The following PALM2AKAP2 variants were observed in gnomAD, a reference collection of about 807,000 sequenced individuals.
PALM2AKAP2 encodes the protein PALM2 and AKAP2 fusion, also known as PALM2-AKAP2 fusion protein.
In PALM2AKAP2, 37 loss-of-function variants were observed where a neutral mutation model predicts 71.5. That is an observed-to-expected ratio of 0.52 (90% confidence interval 0.40 to 0.68). PALM2AKAP2 has a LOEUF of 0.68. Ranked by LOEUF, PALM2AKAP2 falls within the 30% of genes least tolerant of loss-of-function variation. PALM2AKAP2 has a pLI of 0.00. For synonymous variants in PALM2AKAP2, 468 were observed against 478.8 expected (o/e 0.98, Z 0.29); for missense variants, 1,224 against 1,191.8 (o/e 1.03, Z -0.40).
chr9:110,050,659 C>T (rs1287754034), intron 1 of PALM2AKAP2, among the ~76,000 whole-genome samples: 1 of 151,204 alleles, frequency 6.6e-6, no homozygotes, highest in Non-Finnish European at 1.5e-5. Context: ...CGAAGTTTTG[C>T]TCTTGTTGCC....
rs765704966 is a variant in PALM2AKAP2, at chr9:109,640,831, G to A, written c.-31G>A. On this transcript the variant is annotated 5_prime_UTR_variant, in exon 1 of 7. Coordinates refer to the PALM2AKAP2 transcript ENST00000374531. ...GAGGCGAGCAGCGCCGGTGAGCCCC[G>A]CAGCAGCGCACCCGGCCGCGGAGCC... 5.3e-6 allele frequency: 8 copies of A among 1,515,804 alleles called. No individual in the cohort carries two copies. The South Asian group carries it at 9.8e-5, about 18-fold the overall frequency. The allele number at this position is 1,515,804 out of a possible 1,614,324, so 93.9% of individuals were successfully genotyped here.
intron 1 of PALM2AKAP2, among the ~76,000 whole-genome samples, chr9:109,699,322 T>C (rs1828018565): frequency 6.6e-6 from 1 of 152,218 alleles, no homozygotes; most frequent in Non-Finnish European, 1.5e-5. Context: ...TGGTGGACAA[T>C]CAGGCAGTAT....
intron 1 of PALM2AKAP2, among the ~76,000 whole-genome samples, chr9:109,664,225 G>A (rs1185003206): frequency 1.3e-5 from 2 of 152,124 alleles, no homozygotes; most frequent in Non-Finnish European, 2.9e-5. Context: ...ATTTGATTCT[G>A]TCATTATGAT....
intron 6 of PALM2AKAP2, among the ~76,000 whole-genome samples, chr9:110,007,340 T>C (rs1832803834): frequency 6.6e-6 from 1 of 152,226 alleles, no homozygotes; most frequent in South Asian, 2.1e-4. Context: ...GTAAAAGCAT[T>C]CTAAATGATA....
At chr9:109,942,798 C>T in intron 6 of PALM2AKAP2, 1 of 1,614,154 alleles carries the variant, frequency 6.2e-7, no homozygotes, top group Non-Finnish European at 8.5e-7. Flanking sequence ...GAGTCAAAGT[C>T]TATGATGATG....
chr9:110,049,864 G>C (rs899919776), intron 1 of PALM2AKAP2, among the ~76,000 whole-genome samples: 2 of 152,238 alleles, frequency 1.3e-5, no homozygotes, highest in African/African-American at 4.8e-5. Context: ...GCGGCGTGCA[G>C]CCGGGCTGCC....
At chr9:109,937,837 G>T (rs1423033095) in intron 6 of PALM2AKAP2, among the ~76,000 whole-genome samples, 3 of 151,968 alleles carry the variant, frequency 2.0e-5, no homozygotes, top group Middle Eastern at 3.2e-3. Context: ...TTCTTTCAGG[G>T]CTCCCCAGAA....
intron 1 of PALM2AKAP2, among the ~76,000 whole-genome samples, chr9:110,060,141 C>T (rs137983588): frequency 9.0e-4 from 137 of 151,970 alleles, no homozygotes; most frequent in African/African-American, 3.0e-3. Context: ...TTAGATGAGT[C>T]TTGCTGTGTT....
chr9:110,100,427 AG>A (rs1251752985), intron 1 of PALM2AKAP2, among the ~76,000 whole-genome samples: 1 of 152,126 alleles, frequency 6.6e-6, no homozygotes. Flanking sequence ...GCAATGCAAA[AG>A]CCTTTAATGA....
chr9:109,746,191 T>C (rs1039291665), intron 1 of PALM2AKAP2, among the ~76,000 whole-genome samples: 7 of 152,206 alleles, frequency 4.6e-5, no homozygotes, highest in African/African-American at 1.7e-4. Context: ...AGGGAACAGA[T>C]GACAGCCAAA....
chr9:109,778,415 C>G (rs1481201461), upstream of PALM2AKAP2, among the ~76,000 whole-genome samples: 2 of 145,020 alleles, frequency 1.4e-5, no homozygotes, highest in African/African-American at 5.8e-5. Flanking sequence ...TGTGAGCAAA[C>G]CCCTTTAAAT....
At chr9:110,063,548 T>G (rs1171917474) in intron 1 of PALM2AKAP2, among the ~76,000 whole-genome samples, 1 of 151,974 alleles carries the variant, frequency 6.6e-6, no homozygotes, top group Non-Finnish European at 1.5e-5. Flanking sequence ...CAAGTGATTC[T>G]CCTGCCTCAG....
chr9:110,149,260 T>C (rs999170138), intron 2 of PALM2AKAP2, among the ~76,000 whole-genome samples: 2 of 152,234 alleles, frequency 1.3e-5, no homozygotes, highest in African/African-American at 4.8e-5. Context: ...TACCTTGCAA[T>C]GCTACAGTCT....
At chr9:110,111,052 AT>A (rs899040296) in intron 1 of PALM2AKAP2, among the ~76,000 whole-genome samples, 30 of 121,642 alleles carry the variant, frequency 2.5e-4, no homozygotes, top group African/African-American at 6.7e-4. Flanking sequence ...ATCAAGAAGC[AT>A]TTTTTTTTCC....
chr9:109,842,308 A>G (rs1828717819), intron 1 of PALM2AKAP2, among the ~76,000 whole-genome samples: 1 of 152,190 alleles, frequency 6.6e-6, no homozygotes, highest in Non-Finnish European at 1.5e-5. Context: ...TGATGTATGG[A>G]TGGACCATGA....
At chr9:110,076,492 C>T (rs75440023) in intron 1 of PALM2AKAP2, among the ~76,000 whole-genome samples, 30 of 106,732 alleles carry the variant, frequency 2.8e-4, no homozygotes, top group South Asian at 1.1e-3. Context: ...ATATATTCTA[C>T]ATATATATAT....
chr9:110,168,605 C>A, exon 4 of PALM2AKAP2: 1 of 1,316,920 alleles, frequency 7.6e-7, no homozygotes, highest in Non-Finnish European at 1.0e-6. Flanking sequence ...CAAACAAACT[C>A]AGCAATCCTT....
chr9:109,816,444 G>A (rs965506092), intron 1 of PALM2AKAP2, among the ~76,000 whole-genome samples: 2 of 152,226 alleles, frequency 1.3e-5, no homozygotes, highest in Admixed American at 1.3e-4. Flanking sequence ...GAGCAGAGGT[G>A]TGAGGACAAG....
At chr9:110,048,578 G>A (rs1035551335), upstream of PALM2AKAP2, 49 of 941,890 alleles carry the variant, frequency 5.2e-5, no homozygotes, top group Non-Finnish European at 5.9e-5. Flanking sequence ...GGAGGGAGGG[G>A]CGGTCCGTGG....
Sources: gnomAD v4.1 joint callset for allele counts (sites outside exome capture counted in the v4.1 genomes callset) on GRCh38, gnomAD v4.1.1 for gene constraint, MANE v1.5 for transcripts, NCBI Gene and HGNC (gene_info 2026-07-23, HGNC 2026-07-21) for gene names.